Variants in ZC3H12B observed in about 807,000 individuals in gnomAD.
ZC3H12B encodes probable ribonuclease ZC3H12B.
In ZC3H12B, 7 loss-of-function variants were observed where a neutral mutation model predicts 43.9. The observed-to-expected ratio is 0.16, with a 90% CI of 0.09 to 0.30. ZC3H12B has a LOEUF of 0.30. Ranked by LOEUF, ZC3H12B falls within the 10% of genes least tolerant of loss-of-function variation. The pLI, the probability that ZC3H12B is intolerant of heterozygous loss-of-function variation, is 1.00. For synonymous variants in ZC3H12B, 222 were observed against 241.7 expected, an observed-to-expected ratio of 0.92 and a Z score of 0.76; for missense variants, 475 against 670.2, an observed-to-expected ratio of 0.71 and a Z score of 3.22.
the ZC3H12B span, among the ~76,000 whole-genome samples, chrX:65,338,220 G>A: frequency 4.5e-5 from 5 of 110,620 alleles, no homozygotes; most frequent in East Asian, 2.8e-4. Context: ...CATAAGGGTC[G>A]GCTAGCAGTA....
chrX:65,132,142 G>A, the ZC3H12B span, among the ~76,000 whole-genome samples: 9 of 111,128 alleles, frequency 8.1e-5, no homozygotes, highest in Non-Finnish European at 1.7e-4. Flanking sequence ...TTAAGATCAA[G>A]AACGGAATAG....
chrX:65,442,046 A>AT (rs202026833), intron 3 of ZC3H12B, among the ~76,000 whole-genome samples: 14,407 of 103,954 alleles, frequency 0.14, 2,658 homozygotes, highest in African/African-American at 0.48. Flanking sequence ...TGACTCACTG[A>AT]TTTTTTCTAC....
intron 3 of ZC3H12B, among the ~76,000 whole-genome samples, chrX:65,456,912 G>T (rs1386577861): frequency 1.9e-5 from 2 of 107,492 alleles, no homozygotes; most frequent in Non-Finnish European, 3.9e-5. Context: ...CATCGTCTGG[G>T]ATATGAGGAG....
the ZC3H12B span, among the ~76,000 whole-genome samples, chrX:65,170,196 G>A: frequency 9.0e-6 from 1 of 111,703 alleles, no homozygotes; most frequent in African/African-American, 3.3e-5. Context: ...CATGGTTAGT[G>A]CTTTTTTCAT....
At chrX:65,453,747 A>G (rs1340481104) in intron 3 of ZC3H12B, among the ~76,000 whole-genome samples, 1 of 110,513 alleles carries the variant, frequency 9.0e-6, no homozygotes, top group Non-Finnish European at 1.9e-5. Context: ...AAAAAGGAAT[A>G]AAATAATGGC....
the ZC3H12B span, among the ~76,000 whole-genome samples, chrX:65,163,179 TG>T: frequency 2.7e-5 from 3 of 110,987 alleles, no homozygotes; most frequent in African/African-American, 9.8e-5. Flanking sequence ...CTGCCCCTAC[TG>T]GGGGGTGCCT....
intron 1 of ZC3H12B, among the ~76,000 whole-genome samples, 175 bp from the exon 7 acceptor site, chrX:65,496,957 A>G: frequency 9.1e-6 from 1 of 110,055 alleles, no homozygotes; most frequent in Non-Finnish European, 1.9e-5. Context: ...CCAAAAAAAA[A>G]AAAAAAAGAA....
intron 1 of ZC3H12B, among the ~76,000 whole-genome samples, chrX:65,367,013 C>T (rs1354965554): frequency 8.9e-6 from 1 of 111,944 alleles, no homozygotes; most frequent in Non-Finnish European, 1.9e-5. Flanking sequence ...ACATGTAAGG[C>T]TTAGCACAGG....
the ZC3H12B span, among the ~76,000 whole-genome samples, chrX:65,192,617 G>T: frequency 1.8e-5 from 2 of 111,383 alleles, no homozygotes; most frequent in Non-Finnish European, 1.9e-5. Flanking sequence ...TATGATTTTT[G>T]TCCTTCATTC....
At chrX:65,197,581 G>T in the ZC3H12B span, among the ~76,000 whole-genome samples, 1 of 111,883 alleles carries the variant, frequency 8.9e-6, no homozygotes. Flanking sequence ...CCTAATTACA[G>T]GGTTATTCAT....
At chrX:65,426,392 CAAAAAAAAAA>C (rs58910748) in intron 3 of ZC3H12B, among the ~76,000 whole-genome samples, 2 of 42,203 alleles carry the variant, frequency 4.7e-5, no homozygotes, top group Admixed American at 7.4e-4. Context: ...TAATTATTTC[CAAAAAAAAAA>C]AAAAAAAAAA....
At chrX:65,235,427 G>T in the ZC3H12B span, among the ~76,000 whole-genome samples, 1 of 111,597 alleles carries the variant, frequency 9.0e-6, no homozygotes, top group Non-Finnish European at 1.9e-5. Context: ...GTTTTGCTTT[G>T]CACTTCTCTA....
At chrX:65,399,373 C>T (rs1331528440) in intron 3 of ZC3H12B, among the ~76,000 whole-genome samples, 1 of 111,726 alleles carries the variant, frequency 9.0e-6, no homozygotes, top group Non-Finnish European at 1.9e-5. Flanking sequence ...GGGTGAAAGT[C>T]CTGAATAGGC....
intron 2 of ZC3H12B, among the ~76,000 whole-genome samples, chrX:65,397,523 C>T (rs1179383403): frequency 9.0e-6 from 1 of 111,112 alleles, no homozygotes; most frequent in Non-Finnish European, 1.9e-5. Flanking sequence ...AATATTGGGC[C>T]CCACTGTCTT....
chrX:65,404,160 G>T (rs2066796217), intron 3 of ZC3H12B, among the ~76,000 whole-genome samples: 1 of 111,406 alleles, frequency 9.0e-6, no homozygotes, highest in Non-Finnish European at 1.9e-5. Flanking sequence ...TGAAAACCGG[G>T]TTGAGTAGTT....
chrX:65,253,097 T>C, the ZC3H12B span, among the ~76,000 whole-genome samples: 2 of 112,031 alleles, frequency 1.8e-5, no homozygotes, highest in Non-Finnish European at 3.8e-5. Flanking sequence ...TTGAGGGAAG[T>C]AGTCTGACTA....
At chrX:65,276,748 A>C in the ZC3H12B span, among the ~76,000 whole-genome samples, 1 of 111,799 alleles carries the variant, frequency 8.9e-6, no homozygotes, top group East Asian at 2.8e-4. Flanking sequence ...GCTGAACACA[A>C]AGGATAAAGG....
At chrX:65,382,221 G>A (rs755309141) in intron 2 of ZC3H12B, among the ~76,000 whole-genome samples, 11 of 110,066 alleles carry the variant, frequency 1.0e-4, no homozygotes, top group South Asian at 4.0e-4. Flanking sequence ...CTGGCAAACC[G>A]AATCCAGCAG....
the ZC3H12B span, among the ~76,000 whole-genome samples, chrX:65,177,639 A>T: frequency 8.9e-6 from 1 of 111,939 alleles, no homozygotes; most frequent in Non-Finnish European, 1.9e-5. Flanking sequence ...CCAGTAATAG[A>T]CAAATAGCCA....
Sources: allele counts gnomAD v4.1 joint callset (sites outside exome capture counted in the v4.1 genomes callset), GRCh38; gene constraint gnomAD v4.1.1; transcripts MANE v1.5; gene names NCBI Gene and HGNC (gene_info 2026-07-23, HGNC 2026-07-21).